ZNF407: variants seen among roughly 807,000 people sequenced by gnomAD.
ZNF407 encodes the protein zinc finger protein 407.
Under a neutral mutation model 131.2 loss-of-function variants are expected in ZNF407, and 17 were observed. That is an observed-to-expected ratio of 0.13 (90% CI 0.09 to 0.19). The LOEUF (loss-of-function observed/expected upper bound fraction) is 0.19, where lower values mean the gene tolerates loss of function less well. Ranked by LOEUF, ZNF407 falls within the 10% of genes least tolerant of loss-of-function variation. The pLI, the probability that ZNF407 is intolerant of heterozygous loss-of-function variation, is 1.00. For missense variants in ZNF407, 2,681 were observed against 2,830.6 expected, an observed-to-expected ratio of 0.95 and a Z score of 1.20; for synonymous variants, 1,156 against 1,062.0, an observed-to-expected ratio of 1.09 and a Z score of -1.72.
intron 8 of ZNF407, among the ~76,000 whole-genome samples, chr18:74,957,440 T>C (rs145253459): frequency 2.2e-4 from 34 of 152,176 alleles, no homozygotes; most frequent in African/African-American, 8.0e-4. Flanking sequence ...CTCTCTGTTG[T>C]CTTCCTAGTG....
intron 1 of ZNF407, among the ~76,000 whole-genome samples, chr18:74,626,924 A>G (rs1983809537): frequency 6.6e-6 from 1 of 152,154 alleles, no homozygotes; most frequent in Non-Finnish European, 1.5e-5. Context: ...CTGTATCCTG[A>G]TAGGGATTCC....
intron 7 of ZNF407, among the ~76,000 whole-genome samples, chr18:74,902,281 C>G (rs1215250950): frequency 6.6e-6 from 1 of 152,222 alleles, no homozygotes; most frequent in Non-Finnish European, 1.5e-5. Flanking sequence ...AACACTCCAG[C>G]TGACATAATT....
intron 3 of ZNF407, among the ~76,000 whole-genome samples, chr18:74,774,725 AAC>A (rs1429239663): frequency 1.3e-5 from 2 of 152,192 alleles, no homozygotes; most frequent in Non-Finnish European, 2.9e-5. Flanking sequence ...GACGTGACGA[AAC>A]ACAGTGAGTG....
chr18:74,910,076 T>C (rs1336864919), intron 7 of ZNF407, among the ~76,000 whole-genome samples: 1 of 152,172 alleles, frequency 6.6e-6, no homozygotes, highest in Non-Finnish European at 1.5e-5. Context: ...TGGGCACATG[T>C]AGCTGGAGAC....
chr18:74,760,153 G>A (rs1479101932), intron 3 of ZNF407, among the ~76,000 whole-genome samples: 1 of 151,998 alleles, frequency 6.6e-6, no homozygotes, highest in African/African-American at 2.4e-5. Context: ...GTCATGTGTG[G>A]CGACTAACGT....
At position 75,019,510 on chromosome 18, in the gene ZNF407, T is replaced by G. The variant is rs183293270; in HGVS notation, c.5429-43640T>G. 2.0e-5 allele frequency among the ~76,000 whole-genome samples: 3 copies of G among 152,314 alleles called. No homozygotes were observed. In the East Asian group the frequency reaches 5.8e-4, roughly 29 times the overall value. ...ATTTAAATTGCTTTTTAAATTATTT[T>G]AAATTGCAAGCCATTCCTAGTAGTG... is the stretch of plus-strand genomic sequence containing the variant. On this transcript the variant is annotated intron_variant, in intron 8 of 8. Transcript: ENST00000299687.
Position 74,781,649 on chromosome 18 carries a change from A to T in ZNF407, c.4877+147A>T. On this transcript the variant is annotated intron_variant, in intron 4 of 8. Transcript: ENST00000299687. ...ACTCTTTTGTCAAATATCATATTTT[A>T]TGCCATCGTTTCACAAAAATTTAAC... 3 of 586,670 alleles carry T rather than the reference A, an allele frequency of 5.1e-6. No individual in the cohort carries two copies. In the South Asian group the frequency reaches 9.4e-5, roughly 18 times the overall value. The allele number at this position is 586,670 out of a possible 1,614,324, so 36.3% of individuals were successfully genotyped here. A position where few individuals can be genotyped will look rare whatever the true frequency, so the allele number is the denominator to read the frequency against.
At chr18:74,650,834 C>A (rs1172480161) in intron 3 of ZNF407, among the ~76,000 whole-genome samples, 1 of 152,098 alleles carries the variant, frequency 6.6e-6, no homozygotes, top group African/African-American at 2.4e-5. Flanking sequence ...TATTTTTGCA[C>A]TAATGATTAT....
chr18:74,729,681 C>A (rs983702243), intron 3 of ZNF407, among the ~76,000 whole-genome samples: 2 of 152,090 alleles, frequency 1.3e-5, no homozygotes, highest in African/African-American at 4.8e-5. Flanking sequence ...CATACAAAAG[C>A]AACATACACA....
At chr18:74,971,771 C>T (rs1232310191) in intron 8 of ZNF407, among the ~76,000 whole-genome samples, 1 of 152,194 alleles carries the variant, frequency 6.6e-6, no homozygotes, top group African/African-American at 2.4e-5. Flanking sequence ...AAGTTGCTTC[C>T]ACATTTTCAG....
At chr18:74,858,029 C>T (rs1970884233) in intron 4 of ZNF407, among the ~76,000 whole-genome samples, 1 of 146,630 alleles carries the variant, frequency 6.8e-6, no homozygotes, top group Non-Finnish European at 1.5e-5. Context: ...TCCTTCCCTC[C>T]CACCCTCTCT....
At chr18:74,708,734 T>C (rs538512974) in intron 3 of ZNF407, among the ~76,000 whole-genome samples, 1 of 152,344 alleles carries the variant, frequency 6.6e-6, no homozygotes, top group South Asian at 2.1e-4. Flanking sequence ...CAGCTTGCTG[T>C]ATGGCTGCCA....
chr18:74,717,380 C>T (rs1967920153), intron 3 of ZNF407, among the ~76,000 whole-genome samples: 1 of 152,122 alleles, frequency 6.6e-6, no homozygotes, highest in South Asian at 2.1e-4. Flanking sequence ...GCTTTACATC[C>T]TGTGATTCTG....
At chr18:74,834,280 G>A (rs1271846933) in intron 4 of ZNF407, among the ~76,000 whole-genome samples, 1 of 152,134 alleles carries the variant, frequency 6.6e-6, no homozygotes, top group Non-Finnish European at 1.5e-5. Context: ...TCAGTTTAGG[G>A]GAAAAAATTG....
intron 8 of ZNF407, among the ~76,000 whole-genome samples, chr18:74,977,093 T>C (rs2145309518): frequency 6.6e-6 from 1 of 152,392 alleles, no homozygotes; most frequent in East Asian, 1.9e-4. Context: ...TCTCCATGTT[T>C]ATGTGTTTTT....
At chr18:74,751,015 C>T (rs577799205) in intron 3 of ZNF407, among the ~76,000 whole-genome samples, 4 of 151,936 alleles carry the variant, frequency 2.6e-5, no homozygotes, top group African/African-American at 7.3e-5. Flanking sequence ...ATCCCTTGCC[C>T]GTTTTTACTT....
At chr18:74,948,113 T>G (rs964537490) in intron 8 of ZNF407, among the ~76,000 whole-genome samples, 2 of 152,254 alleles carry the variant, frequency 1.3e-5, no homozygotes, top group Admixed American at 1.3e-4. Flanking sequence ...TCTTTGTCTC[T>G]TATAGAGGCT....
At chr18:75,056,297 T>C (rs1359336327) in intron 8 of ZNF407, among the ~76,000 whole-genome samples, 2 of 152,232 alleles carry the variant, frequency 1.3e-5, no homozygotes, top group South Asian at 2.1e-4. Context: ...TGTGTGAATT[T>C]TAGTAACGCT....
chr18:74,692,851 G>A (rs1967260380), intron 3 of ZNF407, among the ~76,000 whole-genome samples: 2 of 152,120 alleles, frequency 1.3e-5, no homozygotes, highest in African/African-American at 4.8e-5. Flanking sequence ...TTTCCCTGGG[G>A]TTCGAGTGTG....
Sources: allele counts gnomAD v4.1 joint callset (sites outside exome capture counted in the v4.1 genomes callset), GRCh38; gene constraint gnomAD v4.1.1; transcripts MANE v1.5; gene names NCBI Gene and HGNC (gene_info 2026-07-23, HGNC 2026-07-21).